DOCK3: variants seen among roughly 807,000 people sequenced by gnomAD.
DOCK3 encodes dedicator of cytokinesis protein 3.
In DOCK3, 60 loss-of-function variants were observed where a neutral mutation model predicts 265.6. The observed-to-expected ratio is 0.23, with a 90% CI of 0.18 to 0.28. DOCK3 has a LOEUF of 0.28. Among genes scored for constraint, DOCK3 ranks in the 10% least tolerant of loss-of-function variants. The probability of loss-of-function intolerance (pLI) is 1.00; values close to 1 mark genes in which losing one functional copy is unlikely to be tolerated. For missense variants in DOCK3, 1,981 were observed against 2,594.3 expected (o/e 0.76, Z 5.14); for synonymous variants, 881 against 938.0 (o/e 0.94, Z 1.11).
rs1025914916 is a variant in DOCK3 at position 51,311,143 on chromosome 3, C to G, written c.3017+817C>G. Among the ~76,000 whole-genome samples the G allele has an allele frequency of 7.9e-5, 12 of 152,348 alleles. 1 individual carries two copies. The Middle Eastern group carries it at 0.01, about 130-fold the overall frequency. On this transcript the variant is annotated intron_variant, in intron 28 of 52. Transcript: ENST00000266037. ...ATTTGAATCTTTCTTGTTTCTATCT[C>G]TTAGCTCCATTCAGAGCACTTCAGG...
chr3:50,860,171 A>G (rs912685421), intron 3 of DOCK3, among the ~76,000 whole-genome samples: 3 of 152,112 alleles, frequency 2.0e-5, no homozygotes, highest in Admixed American at 2.0e-4. Flanking sequence ...GTTGTATGGG[A>G]CCTGCAGGAG....
chr3:51,172,389 G>C (rs2086727566), intron 12 of DOCK3, among the ~76,000 whole-genome samples: 1 of 152,128 alleles, frequency 6.6e-6, no homozygotes, highest in African/African-American at 2.4e-5. Context: ...TGTTAGCCAG[G>C]ATGGTCTCCA....
intron 1 of DOCK3, among the ~76,000 whole-genome samples, chr3:50,741,648 C>A (rs973670066): frequency 6.7e-6 from 1 of 149,452 alleles, no homozygotes; most frequent in African/African-American, 2.5e-5. Context: ...TGTATATGTG[C>A]CACATTTTCT....
At chr3:50,928,528 A>G (rs1368562038) in intron 4 of DOCK3, among the ~76,000 whole-genome samples, 1 of 152,130 alleles carries the variant, frequency 6.6e-6, no homozygotes, top group Non-Finnish European at 1.5e-5. Context: ...TATATACCAC[A>G]TTTAATTTTT....
intron 9 of DOCK3, among the ~76,000 whole-genome samples, chr3:51,125,350 T>C (rs1454907850): frequency 6.6e-6 from 1 of 152,212 alleles, no homozygotes; most frequent in Admixed American, 6.5e-5. Flanking sequence ...TCTAGTAAAG[T>C]ATCTGACAAA....
At chr3:50,787,640 C>A in intron 2 of DOCK3, 1 of 1,291,702 alleles carries the variant, frequency 7.7e-7, no homozygotes, top group South Asian at 1.2e-5. Flanking sequence ...GGTGGCTCTG[C>A]ACTCTTCCTG....
At chr3:51,131,403 T>C (rs1379005051) in intron 9 of DOCK3, among the ~76,000 whole-genome samples, 2 of 152,140 alleles carry the variant, frequency 1.3e-5, no homozygotes, top group Non-Finnish European at 2.9e-5. Context: ...GGAGGTCTCC[T>C]TGGGGAAGGA....
At chr3:51,297,789 TAATAA>T (rs776310505) in intron 27 of DOCK3, among the ~76,000 whole-genome samples, 2,044 of 38,106 alleles carry the variant, frequency 0.054, 54 homozygotes, top group African/African-American at 0.19. Flanking sequence ...ATAATAATAA[TAATAA>T]TTTTTTTTTA....
chr3:50,798,526 G>T (rs1576464780), intron 2 of DOCK3, among the ~76,000 whole-genome samples: 1 of 152,042 alleles, frequency 6.6e-6, no homozygotes, highest in East Asian at 1.9e-4. Flanking sequence ...TCAGATATTA[G>T]GTCAAGCCTG....
intron 2 of DOCK3, among the ~76,000 whole-genome samples, chr3:50,801,132 T>G (rs1011949567): frequency 3.3e-5 from 5 of 152,160 alleles, no homozygotes; most frequent in African/African-American, 1.2e-4. Context: ...GGCAATTTAC[T>G]TCTATAGAAG....
intron 5 of DOCK3, among the ~76,000 whole-genome samples, chr3:51,033,417 C>T (rs2080132041): frequency 1.3e-5 from 2 of 152,190 alleles, no homozygotes; most frequent in Admixed American, 6.5e-5. Flanking sequence ...TGGCCCACTT[C>T]CACCTTTTAG....
chr3:51,232,026 C>T (rs1312261905), intron 19 of DOCK3, among the ~76,000 whole-genome samples: 1 of 152,182 alleles, frequency 6.6e-6, no homozygotes, highest in African/African-American at 2.4e-5. Context: ...AATTTCCACA[C>T]AATGTAAATA....
At chr3:51,271,851 GAAA>G (rs766713829) in intron 24 of DOCK3, among the ~76,000 whole-genome samples, 2 of 65,568 alleles carry the variant, frequency 3.1e-5, no homozygotes, top group Middle Eastern at 7.6e-3. Flanking sequence ...ACTGTCTCAG[GAAA>G]AAAAAAAAAA....
chr3:51,107,519 C>T (rs1330015026), intron 9 of DOCK3, among the ~76,000 whole-genome samples: 1 of 152,072 alleles, frequency 6.6e-6, no homozygotes, highest in East Asian at 1.9e-4. Context: ...AGAACATAAC[C>T]AATCTGATAG....
chr3:51,280,979 T>C (rs997663159), intron 27 of DOCK3, among the ~76,000 whole-genome samples: 2 of 152,144 alleles, frequency 1.3e-5, no homozygotes, highest in Admixed American at 1.3e-4. Context: ...TTTTCCTCTT[T>C]CTATGGAAAA....
At chr3:51,274,279 G>C (rs1201727560) in intron 24 of DOCK3, among the ~76,000 whole-genome samples, 1 of 152,202 alleles carries the variant, frequency 6.6e-6, no homozygotes, top group Non-Finnish European at 1.5e-5. Context: ...TGGGGGAAAG[G>C]GAGCAGGCCT....
chr3:51,383,213 G>A lies in DOCK3; in HGVS notation c.*1654G>A, dbSNP rs2088772827. 3 of 152,578 alleles carry A rather than the reference G, an allele frequency of 2.0e-5. No homozygotes were observed. In the South Asian group the frequency reaches 6.2e-4, roughly 32 times the overall value. The allele number at this position is 152,578 out of a possible 1,614,324, so 9.5% of individuals were successfully genotyped here. ...AACAGAAATGCTAATAACCTACTGG[G>A]AAAGATGGAGGTCTAAATTACCTCC... On this transcript the variant is annotated 3_prime_UTR_variant, in exon 53 of 53. Coordinates refer to ENST00000266037, the MANE Select transcript of DOCK3 (RefSeq NM_004947.5).
intron 28 of DOCK3, among the ~76,000 whole-genome samples, chr3:51,310,996 C>G (rs1355982982): frequency 1.3e-5 from 2 of 152,230 alleles, no homozygotes; most frequent in Non-Finnish European, 2.9e-5. Context: ...CTAGCATGGT[C>G]TTTCCACTTT....
At chr3:51,015,078 A>G (rs2079098432) in intron 5 of DOCK3, among the ~76,000 whole-genome samples, 1 of 152,130 alleles carries the variant, frequency 6.6e-6, no homozygotes, top group Non-Finnish European at 1.5e-5. Flanking sequence ...TATTAACTGA[A>G]CAAGGATAAT....
Sources: allele counts gnomAD v4.1 joint callset (sites outside exome capture counted in the v4.1 genomes callset), GRCh38; gene constraint gnomAD v4.1.1; transcripts MANE v1.5; gene names NCBI Gene and HGNC (gene_info 2026-07-23, HGNC 2026-07-21).